The following XYLT1 variants were observed in gnomAD, a reference collection of about 807,000 sequenced individuals.
The protein encoded by XYLT1 is xylosyltransferase 1, also known as beta-D-xylosyltransferase 1.
A neutral mutation model predicts 91.3 loss-of-function variants in XYLT1; 36 were observed. That is an observed-to-expected ratio of 0.39 (90% confidence interval 0.30 to 0.52). The LOEUF is 0.52. Ranked by LOEUF, XYLT1 falls within the 20% of genes least tolerant of loss-of-function variation. The pLI, the probability that XYLT1 is intolerant of heterozygous loss-of-function variation, is 0.68. For missense variants in XYLT1, 1,242 were observed against 1,284.5 expected (o/e 0.97, Z 0.51); for synonymous variants, 588 against 532.0 (o/e 1.11, Z -1.45).
intron 2 of XYLT1, chr16:17,338,070 C>T (rs1166368364): frequency 3.2e-5 from 13 of 403,130 alleles, no homozygotes; most frequent in East Asian, 7.2e-5. Context: ...ACCCGGCCCC[C>T]GTTCTACATT....
intron 1 of XYLT1, among the ~76,000 whole-genome samples, chr16:17,446,701 A>ATT (rs1246419133): frequency 6.6e-6 from 1 of 152,196 alleles, no homozygotes; most frequent in Non-Finnish European, 1.5e-5. Flanking sequence ...CATCGTCTGC[A>ATT]TTACAAGGAA....
chr16:17,177,377 G>T (rs1393330884), intron 5 of XYLT1, among the ~76,000 whole-genome samples: 1 of 152,126 alleles, frequency 6.6e-6, no homozygotes, highest in Non-Finnish European at 1.5e-5. Flanking sequence ...GAGAAGGGGT[G>T]ATATGCATGT....
chr16:17,349,859 T>C (rs747338113), intron 2 of XYLT1, among the ~76,000 whole-genome samples: 75 of 152,090 alleles, frequency 4.9e-4, no homozygotes, highest in Admixed American at 8.5e-4. Flanking sequence ...TCAGTGTATG[T>C]AATCATTATT....
chr16:17,310,226 C>T (rs913497422), intron 2 of XYLT1, among the ~76,000 whole-genome samples: 2 of 152,182 alleles, frequency 1.3e-5, no homozygotes, highest in Non-Finnish European at 2.9e-5. Context: ...TAGCCATTAC[C>T]AGGTTTTCAC....
chr16:17,310,961 A>C (rs150656329), intron 2 of XYLT1, among the ~76,000 whole-genome samples: 4 of 152,334 alleles, frequency 2.6e-5, no homozygotes, highest in African/African-American at 7.2e-5. Flanking sequence ...ACACCATTAG[A>C]ATAAAACACA....
chr16:17,316,663 C>T (rs545631105), intron 2 of XYLT1, among the ~76,000 whole-genome samples: 2 of 152,148 alleles, frequency 1.3e-5, no homozygotes, highest in Admixed American at 6.5e-5. Flanking sequence ...TCCCAAAGTG[C>T]TGGGATTACA....
At chr16:17,333,340 A>G (rs1054434069) in intron 2 of XYLT1, among the ~76,000 whole-genome samples, 1 of 152,198 alleles carries the variant, frequency 6.6e-6, no homozygotes, top group Non-Finnish European at 1.5e-5. Flanking sequence ...ATGAAAAAGC[A>G]TTAAGGAGAT....
intron 2 of XYLT1, among the ~76,000 whole-genome samples, chr16:17,328,891 C>A (rs2034855368): frequency 6.6e-6 from 1 of 152,176 alleles, no homozygotes; most frequent in Non-Finnish European, 1.5e-5. Flanking sequence ...AAATGAGGCT[C>A]CCAAAGCCTC....
At chr16:17,416,774 C>T (rs1214967923) in intron 1 of XYLT1, among the ~76,000 whole-genome samples, 1 of 152,198 alleles carries the variant, frequency 6.6e-6, no homozygotes, top group Non-Finnish European at 1.5e-5. Context: ...CAAGCATCTG[C>T]ACCGTGGTGA....
chr16:17,246,473 G>A (rs1176504888), intron 3 of XYLT1, among the ~76,000 whole-genome samples: 1 of 152,180 alleles, frequency 6.6e-6, no homozygotes, highest in African/African-American at 2.4e-5. Flanking sequence ...CATTTACTAA[G>A]GGTACCACAG....
intron 2 of XYLT1, among the ~76,000 whole-genome samples, chr16:17,356,872 T>C (rs1055396505): frequency 3.9e-5 from 6 of 151,942 alleles, no homozygotes; most frequent in African/African-American, 9.7e-5. Context: ...GTAACAGTTC[T>C]ATTGGTTTAA....
chr16:17,379,726 ATATC>A (rs2035647410), intron 1 of XYLT1, among the ~76,000 whole-genome samples: 1 of 122,204 alleles, frequency 8.2e-6, no homozygotes, highest in Non-Finnish European at 1.7e-5. Flanking sequence ...GAAATGAAGG[ATATC>A]TCTCTCTCTC....
chr16:17,427,066 T>C (rs1457406047), intron 1 of XYLT1, among the ~76,000 whole-genome samples: 1 of 152,188 alleles, frequency 6.6e-6, no homozygotes, highest in Non-Finnish European at 1.5e-5. Context: ...GCAGAGCCCA[T>C]GTGATGGGGA....
At chr16:17,449,188 C>T (rs2036631989) in intron 1 of XYLT1, among the ~76,000 whole-genome samples, 1 of 152,248 alleles carries the variant, frequency 6.6e-6, no homozygotes, top group South Asian at 2.1e-4. Flanking sequence ...TGCCTCTCTT[C>T]CACTCTCTCC....
rs551256406 is a variant in XYLT1, at chr16:17,428,459, T to C, written c.363+41975A>G. Among the ~76,000 whole-genome samples, 30 of 152,266 alleles carry C rather than the reference T, an allele frequency of 2.0e-4. No individual in the cohort carries two copies. The South Asian group carries it at 5.6e-3, about 28-fold the overall frequency. ...AAAATGAGCCAGGCTGAGGGGCTGT[T>C]GAGAGAATTAAGAGATGCACCTGAC... is the stretch of plus-strand genomic sequence containing the variant. On this transcript the variant is annotated intron_variant, in intron 1 of 11. Transcript: ENST00000261381.
Position 17,198,205 on chromosome 16 carries a change from G to A in XYLT1, c.1289+7C>T. On this transcript the variant is annotated splice_region_variant and intron_variant, in intron 5 of 11. Coordinates refer to ENST00000261381, the MANE Select transcript of XYLT1 (RefSeq NM_022166.4). The stretch of plus-strand genomic sequence containing the variant: ...CAAGACTGGCTTGGGGCCCTTGGCT[G>A]CCTTACCTGATGGGGTAGTCGGCCG... 1.2e-6 allele frequency: 2 copies of A among 1,614,024 alleles called. No homozygotes were observed. Among genetic ancestry groups the A allele is most frequent in the East Asian group, 2.2e-5 (1 of 44,878 alleles).
chr16:17,226,221 T>C (rs1227371886), intron 3 of XYLT1, among the ~76,000 whole-genome samples: 1 of 152,216 alleles, frequency 6.6e-6, no homozygotes, highest in Non-Finnish European at 1.5e-5. Flanking sequence ...CTTCTGAATG[T>C]ATTTGTGCAG....
chr16:17,442,860 C>T (rs1357914410), intron 1 of XYLT1, among the ~76,000 whole-genome samples: 1 of 152,088 alleles, frequency 6.6e-6, no homozygotes, highest in African/African-American at 2.4e-5. Context: ...CAAAACTAAA[C>T]TGAGAGTGGC....
chr16:17,320,121 C>T (rs2034694171), intron 2 of XYLT1, among the ~76,000 whole-genome samples: 1 of 152,210 alleles, frequency 6.6e-6, no homozygotes, highest in African/African-American at 2.4e-5. Context: ...TTTATTACCA[C>T]TAATCAACAT....
Sources: allele counts gnomAD v4.1 joint callset (sites outside exome capture counted in the v4.1 genomes callset), GRCh38; gene constraint gnomAD v4.1.1; transcripts MANE v1.5; gene names NCBI Gene and HGNC (gene_info 2026-07-23, HGNC 2026-07-21).